SLC10A1: variants seen among roughly 807,000 people sequenced by gnomAD.
SLC10A1 encodes the protein solute carrier family 10 member 1, also known as hepatic sodium/bile acid cotransporter.
SLC10A1 carries 36 observed loss-of-function variants against 20.5 expected under a neutral mutation model. The ratio of observed to expected loss-of-function variants is 1.75; its 90% CI spans 1.34 to 2.32. The LOEUF is 2.32. Ranked by LOEUF, SLC10A1 falls within the 30% of genes most tolerant of loss-of-function variation. The pLI is 0.00. For missense variants in SLC10A1, 545 were observed against 439.1 expected (o/e 1.24, Z -2.16); for synonymous variants, 188 against 163.6 (o/e 1.15, Z -1.14).
chr14:69,790,832 G>A (rs1883817998), intron 1 of SLC10A1, among the ~76,000 whole-genome samples: 1 of 152,004 alleles, frequency 6.6e-6, no homozygotes, highest in South Asian at 2.1e-4. Context: ...GGGAAAAGAA[G>A]AAATGAAACT....
intron 1 of SLC10A1, among the ~76,000 whole-genome samples, chr14:69,787,975 G>T (rs544770293): frequency 2.0e-5 from 3 of 152,212 alleles, no homozygotes; most frequent in South Asian, 2.1e-4. Context: ...CAGGAGGATG[G>T]CTTGAGCCCA....
intron 2 of SLC10A1, among the ~76,000 whole-genome samples, chr14:69,785,541 C>G (rs183817603): frequency 4.6e-5 from 7 of 152,054 alleles, no homozygotes; most frequent in Admixed American, 4.6e-4. Context: ...TGCGTGTACA[C>G]TGGAATTGGA....
Position 69,776,476 on chromosome 14 carries a change from C to T in SLC10A1, c.944-88G>A, listed in dbSNP as rs964339783. 1.1e-5 allele frequency: 11 copies of T among 986,498 alleles called. No individual in the cohort carries two copies. In the East Asian group the frequency reaches 1.2e-4, roughly 11 times the overall value. 61.1% of individuals were successfully genotyped at this position (986,498 alleles called of 1,614,324 possible). ...GTTTAATCTGGAAAGTACAAAAATA[C>T]CAACTCAGCCCTAGAGTGTGCTAAG... On this transcript the variant is annotated intron_variant, in intron 4 of 4. Transcript: ENST00000216540.
At position 69,786,241 on chromosome 14, in the gene SLC10A1, G is replaced by A; in HGVS notation, c.423C>T (p.Tyr141=). The part of the protein sequence containing the change: ...LGMMPLLLYI[Y]SRGIYDGDLK... The stretch of plus-strand genomic sequence containing the variant: ...GGTCCCCATCATAGATCCCCCTGGA[G>A]TAGATGTACAGGAGGAGAGGCATCA... The change falls in exon 2 of 5, where the codon TAC becomes TAT. Residue 141 remains tyrosine (Y), a synonymous_variant. Coordinates refer to ENST00000216540, the MANE Select transcript of SLC10A1 (RefSeq NM_003049.4). 2 of 1,614,054 alleles carry A rather than the reference G, an allele frequency of 1.2e-6. No individual in the cohort carries two copies. The highest frequency in any genetic ancestry group is 1.7e-6 in the Non-Finnish European group (2 of 1,179,940).
At chr14:69,793,946 G>A (rs1231087388) in intron 1 of SLC10A1, among the ~76,000 whole-genome samples, 1 of 152,116 alleles carries the variant, frequency 6.6e-6, no homozygotes, top group Non-Finnish European at 1.5e-5. Context: ...CTGCATTGAG[G>A]GGTCTGCTTG....
intron 1 of SLC10A1, among the ~76,000 whole-genome samples, chr14:69,790,465 A>C (rs2139720373): frequency 6.6e-6 from 1 of 152,246 alleles, no homozygotes; most frequent in Non-Finnish European, 1.5e-5. Flanking sequence ...AAGTGTTTTA[A>C]AAAATACAAT....
chr14:69,795,890 C>A (rs1013699520), intron 1 of SLC10A1, among the ~76,000 whole-genome samples: 1 of 152,048 alleles, frequency 6.6e-6, no homozygotes, highest in South Asian at 2.1e-4. Context: ...AGCGTCTCCA[C>A]GGAGGACTAA....
chr14:69,795,324 GA>G (rs1170271039), intron 1 of SLC10A1, among the ~76,000 whole-genome samples: 2 of 151,744 alleles, frequency 1.3e-5, no homozygotes, highest in Non-Finnish European at 2.9e-5. Flanking sequence ...GAATCATATG[GA>G]AAAAGAGCCC....
At chr14:69,793,623 G>A (rs1048539480) in intron 1 of SLC10A1, among the ~76,000 whole-genome samples, 1 of 152,152 alleles carries the variant, frequency 6.6e-6, no homozygotes, top group Non-Finnish European at 1.5e-5. Flanking sequence ...CTTCCATCTT[G>A]TCCTGGTTGA....
At chr14:69,790,124 C>T (rs1453430839) in intron 1 of SLC10A1, among the ~76,000 whole-genome samples, 2 of 151,888 alleles carry the variant, frequency 1.3e-5, no homozygotes, top group Non-Finnish European at 2.9e-5. Flanking sequence ...GAAATATAAC[C>T]TACAAAACCA....
In SLC10A1 at chr14:69,779,337, CAA is replaced by C. The variant is rs1485726900; in HGVS notation, c.589_590del (p.Leu197ValfsTer80). On this transcript the variant is annotated frameshift_variant, in exon 3 of 5. Coordinates refer to ENST00000216540, the MANE Select transcript of SLC10A1 (RefSeq NM_003049.4). LOFTEE classifies it high-confidence loss of function. Reference sequence around the variant, plus strand: ...AGAGAACTGTGACGGCCACACTGCACAAGAGAATGATGATCATCCCTCCCTGG... The same window carrying C: ...AGAGAACTGTGACGGCCACACTGCACGAGAATGATGATCATCCCTCCCTGG... ...VIKGGMIIIL[L>X]CSVAVTVLSA... is the part of the protein sequence containing the mutation. 2 of 1,612,788 alleles carry C rather than the reference CAA, an allele frequency of 1.2e-6. No homozygotes were observed. Among genetic ancestry groups the C allele is most frequent in the Admixed American group, 3.3e-5 (2 of 59,920 alleles).
intron 2 of SLC10A1, among the ~76,000 whole-genome samples, chr14:69,781,904 G>T (rs1883601137): frequency 6.6e-6 from 1 of 152,244 alleles, no homozygotes; most frequent in Admixed American, 6.5e-5. Flanking sequence ...GATACCTGCT[G>T]CCAGAGCTAG....
At chr14:69,788,082 A>G (rs1026402928) in intron 1 of SLC10A1, among the ~76,000 whole-genome samples, 39 of 151,920 alleles carry the variant, frequency 2.6e-4, no homozygotes, top group African/African-American at 9.2e-4. Flanking sequence ...GGGGAACTCA[A>G]GCTGAAGCTT....
intron 2 of SLC10A1, 71 bp from the exon 3 acceptor site, chr14:69,779,431 G>A: frequency 8.1e-7 from 1 of 1,234,034 alleles, no homozygotes; most frequent in East Asian, 2.5e-5. Flanking sequence ...GGGAAGCACA[G>A]GTAGAAATTG....
intron 2 of SLC10A1, among the ~76,000 whole-genome samples, chr14:69,784,930 C>G (rs1249869642): frequency 6.6e-6 from 1 of 152,168 alleles, no homozygotes; most frequent in African/African-American, 2.4e-5. Flanking sequence ...AAAAACTACT[C>G]TTGAGACAAT....
rs202206428 is a variant in SLC10A1 at position 69,776,220 on chromosome 14, A to C, written c.*62T>G. 1 of 1,219,340 alleles carries C rather than the reference A, an allele frequency of 8.2e-7. No homozygotes were observed. Among genetic ancestry groups the C allele is most frequent in the Non-Finnish European group, 1.2e-6 (1 of 832,752 alleles). 75.5% of individuals were successfully genotyped at this position (1,219,340 alleles called of 1,614,324 possible). ...GACTGGTGTTTTTGCTGCTCTCTCT[A>C]GTTTACCACACTGGCTTTCAGAATT... On this transcript the variant is annotated 3_prime_UTR_variant, in exon 5 of 5. Coordinates refer to ENST00000216540, the MANE Select transcript of SLC10A1 (RefSeq NM_003049.4).
chr14:69,776,145 TTGA>T lies in SLC10A1; in HGVS notation c.*134_*136del. 1 of 672,422 alleles carries T rather than the reference TTGA, an allele frequency of 1.5e-6. No individual in the cohort carries two copies. Among genetic ancestry groups the T allele is most frequent in the Non-Finnish European group, 2.6e-6 (1 of 383,010 alleles). The allele number at this position is 672,422 out of a possible 1,614,324, so 41.7% of individuals were successfully genotyped here. A position where few individuals can be genotyped will look rare whatever the true frequency, so the allele number is the denominator to read the frequency against. On this transcript the variant is annotated 3_prime_UTR_variant, in exon 5 of 5. Transcript: ENST00000216540. ...CCCTGTCTGTGTTCCCGGCCAAGAC[TTGA>T]TGATTCTGATAGATGTACTGGAAAT...
At chr14:69,781,693 A>G (rs773612681) in intron 2 of SLC10A1, among the ~76,000 whole-genome samples, 1 of 152,226 alleles carries the variant, frequency 6.6e-6, no homozygotes, top group Non-Finnish European at 1.5e-5. Flanking sequence ...TGGATGGCTT[A>G]TGGTGAAAGT....
chr14:69,782,743 G>T (rs1031372463), intron 2 of SLC10A1, among the ~76,000 whole-genome samples: 6 of 151,512 alleles, frequency 4.0e-5, no homozygotes, highest in African/African-American at 1.5e-4. Context: ...GGGAGGTGGA[G>T]CTTGCAGTGA....
Sources: allele counts gnomAD v4.1 joint callset (sites outside exome capture counted in the v4.1 genomes callset), GRCh38; gene constraint gnomAD v4.1.1; transcripts MANE v1.5; gene names NCBI Gene and HGNC (gene_info 2026-07-23, HGNC 2026-07-21).